Variants in HEPH observed in about 807,000 individuals in gnomAD.
The protein encoded by HEPH is hephaestin.
In HEPH, 69 loss-of-function variants were observed where a neutral mutation model predicts 80.8. That is an observed-to-expected ratio of 0.85 (90% CI 0.70 to 1.04). The LOEUF is 1.04. Ranked by LOEUF, HEPH falls within the 50% of genes least tolerant of loss-of-function variation. HEPH has a pLI of 0.00. For missense variants in HEPH, 1,115 were observed against 891.3 expected (o/e 1.25, Z -3.20); for synonymous variants, 431 against 322.8 (o/e 1.34, Z -3.60).
chrX:66,261,040 G>T (rs1321847492), intron 19 of HEPH, among the ~76,000 whole-genome samples: 1 of 112,103 alleles, frequency 8.9e-6, no homozygotes, highest in Non-Finnish European at 1.9e-5. Flanking sequence ...GTCTCCCAAA[G>T]TGCTGGGATT....
In HEPH at chrX:66,197,722, A is replaced by G; in HGVS notation, c.1541A>G (p.Lys514Arg). Residue 514 changes from lysine (K) to arginine (R), a missense_variant, in exon 10 of 21, where the codon AAA (lysine) becomes AGA (arginine). Physicochemically the swap from Lys to Arg is conservative, Grantham distance 26. This residue lies in a region of HEPH where 716 missense variants were observed against 523.5 expected (regional missense o/e 1.37). Transcript: ENST00000343002. ...GGCTTGGTTGCCAAGCCCTTTGAGAAAGTAACATACCGCTGGACAGTCCCC... is the reference window on the plus strand; with the variant it reads ...GGCTTGGTTGCCAAGCCCTTTGAGAGAGTAACATACCGCTGGACAGTCCCC... ...YPGLVAKPFE[K>R]VTYRWTVPPH... 8.3e-7 allele frequency: 1 copy of G among 1,211,762 alleles called. No homozygotes were observed. The highest frequency in any genetic ancestry group is 1.1e-6 in the Non-Finnish European group (1 of 895,449).
intron 17 of HEPH, 62 bp from the exon 18 acceptor site, chrX:66,258,778 C>T (rs747996743): frequency 7.1e-6 from 7 of 980,770 alleles, no homozygotes; most frequent in African/African-American, 4.0e-5. Flanking sequence ...AATGGGAAGT[C>T]CAAAGGAGAG....
chrX:66,192,379 C>A (rs778852914), intron 7 of HEPH, 81 bp downstream of exon 7: 1 of 974,133 alleles, frequency 1.0e-6, no homozygotes, highest in Non-Finnish European at 1.4e-6. Context: ...CCAGAAATCT[C>A]TCACTTTACT....
At chrX:66,250,610 A>G (rs1002851533) in intron 15 of HEPH, among the ~76,000 whole-genome samples, 30 of 111,626 alleles carry the variant, frequency 2.7e-4, no homozygotes, top group African/African-American at 9.7e-4. Flanking sequence ...TTTGATTTAC[A>G]TAAGTGATAT....
intron 15 of HEPH, among the ~76,000 whole-genome samples, chrX:66,236,972 T>A (rs1244592969): frequency 9.0e-6 from 1 of 111,547 alleles, no homozygotes; most frequent in Non-Finnish European, 1.9e-5. Context: ...AATATCCCCT[T>A]TGTCATTTCT....
rs755988087 is a variant in HEPH, at chrX:66,204,288, G to A, written c.2291+711G>A. ...AAAAGATGTAATCTCTAATTAGTCA[G>A]CCATGTGCTCAGCTAAAAGTTAGGT... On this transcript the variant is annotated intron_variant, in intron 13 of 20. Transcript: ENST00000343002. Among the ~76,000 whole-genome samples, 5 of 112,071 alleles carry A rather than the reference G, an allele frequency of 4.5e-5. No homozygotes were observed. In the South Asian group the frequency reaches 1.9e-3, roughly 42 times the overall value.
chrX:66,208,906 A>T (rs2088961912), intron 15 of HEPH, among the ~76,000 whole-genome samples: 1 of 108,421 alleles, frequency 9.2e-6, no homozygotes, highest in Non-Finnish European at 1.9e-5. Flanking sequence ...AGCCCAGTAA[A>T]TAAAGTTCTT....
chrX:66,266,722 C>T lies in HEPH; in HGVS notation c.*50C>T, dbSNP rs1171150826. 2 of 920,509 alleles carry T rather than the reference C, an allele frequency of 2.2e-6. No homozygotes were observed. The highest frequency in any genetic ancestry group is 3.1e-6 in the Non-Finnish European group (2 of 646,171). The allele number at this position is 920,509 out of a possible 1,213,427, so 75.9% of individuals were successfully genotyped here. A position where few individuals can be genotyped will look rare whatever the true frequency, so the allele number is the denominator to read the frequency against. ...AGGAAGCACATCTGTAGTGCACTCC[C>T]AGCAGGCCATGGACTAGTCACTAAC... On this transcript the variant is annotated 3_prime_UTR_variant, in exon 21 of 21. Transcript: ENST00000343002.
At chrX:66,186,252 C>T (rs1372124884) in intron 4 of HEPH, among the ~76,000 whole-genome samples, 1 of 89,013 alleles carries the variant, frequency 1.1e-5, no homozygotes, top group African/African-American at 5.8e-5. Context: ...TTCCAGGCTG[C>T]TTTGTTTACC....
chrX:66,195,256 G>A (rs1010460247), intron 9 of HEPH, 27 bp downstream of exon 9: 4 of 1,129,740 alleles, frequency 3.5e-6, no homozygotes, highest in Middle Eastern at 2.4e-4. Flanking sequence ...TCTAGTAAAT[G>A]TGGGCTCTAG....
Position 66,208,101 on chromosome X carries a change from T to G in HEPH, c.2432-14T>G, listed in dbSNP as rs754462220. On this transcript the variant is annotated splice_polypyrimidine_tract_variant and intron_variant, in intron 14 of 20. Transcript: ENST00000343002. ...ATGAAACTTTATTTATTTAATTATT[T>G]TTGTTTACATTAGGTCCACTTATCA... 1 of 1,137,013 alleles carries G rather than the reference T, an allele frequency of 8.8e-7. No homozygotes were observed. Among genetic ancestry groups the G allele is most frequent in the Admixed American group, 2.6e-5 (1 of 39,080 alleles). The allele number at this position is 1,137,013 out of a possible 1,213,427, so 93.7% of individuals were successfully genotyped here.
chrX:66,258,825 C>CTTTTCT lies in HEPH; in HGVS notation c.2897-11_2897-10insCTTTTT, dbSNP rs776963009. On this transcript the variant is annotated splice_polypyrimidine_tract_variant and intron_variant, in intron 17 of 20. Transcript: ENST00000343002. ...TTTTTCTTTTCTTTTCTTTTCTTTT[C>CTTTTCT]TTTTTTTTTGACAGCAATCAATGGG... 6.4e-6 allele frequency: 7 copies of CTTTTCT among 1,091,978 alleles called. No individual in the cohort carries two copies. The highest frequency in any genetic ancestry group is 3.9e-5 in the African/African-American group (2 of 51,708). 90.0% of individuals were successfully genotyped at this position (1,091,978 alleles called of 1,213,427 possible).
Position 66,189,517 on chromosome X carries a change from A to G in HEPH, c.809-167A>G, listed in dbSNP as rs1028900642. On this transcript the variant is annotated intron_variant, in intron 5 of 20. Transcript: ENST00000343002. ...TTAATGAGACTAATGATATCTGCCT[A>G]TTTCTCAGGGATGTTTTTGAGATTT... is the stretch of plus-strand genomic sequence containing the variant. Among the ~76,000 whole-genome samples the G allele has an allele frequency of 9.9e-5, 11 of 111,080 alleles. 1 individual carries two copies. Among genetic ancestry groups the G allele is most frequent in the Non-Finnish European group, 1.9e-4 (10 of 52,976 alleles).
intron 19 of HEPH, 26 bp downstream of exon 19, chrX:66,260,288 T>C: frequency 8.6e-7 from 1 of 1,160,176 alleles, no homozygotes; most frequent in Non-Finnish European, 1.2e-6. Context: ...CCCAAAATGA[T>C]CATCTTCTAA....
chrX:66,266,304 C>A lies in HEPH; in HGVS notation c.3245-136C>A, dbSNP rs2091533759. On this transcript the variant is annotated intron_variant, in intron 20 of 20. Transcript: ENST00000343002. ...TAACCTCTAAATCTGTCTTCATCAG[C>A]TAGTTTTGTGAAGGATAAGGACAGG... 3 of 465,165 alleles carry A rather than the reference C, an allele frequency of 6.4e-6. No individual in the cohort carries two copies. In the Admixed American group the frequency reaches 1.2e-4, roughly 18 times the overall value. 38.3% of individuals were successfully genotyped at this position (465,165 alleles called of 1,213,427 possible). A position where few individuals can be genotyped will look rare whatever the true frequency, so the allele number is the denominator to read the frequency against.
upstream of HEPH, among the ~76,000 whole-genome samples, chrX:66,163,920 A>T (rs139636420): frequency 2.0e-4 from 23 of 112,536 alleles, no homozygotes; most frequent in East Asian, 5.9e-3. Context: ...TTTACTTATG[A>T]CTAAGCAGCC....
chrX:66,260,204 T>C lies in HEPH; in HGVS notation c.3141T>C (p.His1047=), dbSNP rs368378204. Reference sequence around the variant, plus strand: ...CTGGGACATGGCTGATGCACTGCCATGTGACTGACCATGTCCATGCTGGCA... The same window carrying C: ...CTGGGACATGGCTGATGCACTGCCACGTGACTGACCATGTCCATGCTGGCA... ...SNPGTWLMHC[H]VTDHVHAGME... is the part of the protein sequence containing the mutation. The change falls in exon 19 of 21, where the codon CAT becomes CAC. Residue 1047 remains histidine, a synonymous_variant. Coordinates refer to ENST00000343002, the MANE Select transcript of HEPH (RefSeq NM_001367233.3). 1.2e-5 allele frequency: 15 copies of C among 1,207,387 alleles called. No homozygotes were observed. The East Asian group carries it at 2.1e-4, about 17-fold the overall frequency.
At position 66,206,582 on chromosome X, in the gene HEPH, G is replaced by A. The variant is rs183493005; in HGVS notation, c.2292-613G>A. 1.1e-3 allele frequency among the ~76,000 whole-genome samples: 119 copies of A among 107,036 alleles called. 1 individual carries two copies. The highest frequency in any genetic ancestry group is 4.0e-3 in the African/African-American group (118 of 29,566). The allele number at this position is 107,036 out of a possible 115,157, so 92.9% of individuals were successfully genotyped here. On this transcript the variant is annotated intron_variant, in intron 13 of 20. Transcript: ENST00000343002. The stretch of plus-strand genomic sequence containing the variant: ...GGGTTTTGCCATGTTGGGCAGGCTG[G>A]TCTCAAACTCCTGAGCTTAAGCAAT...
intron 15 of HEPH, among the ~76,000 whole-genome samples, chrX:66,219,325 A>T (rs1305339132): frequency 8.9e-6 from 1 of 112,085 alleles, no homozygotes; most frequent in Non-Finnish European, 1.9e-5. Flanking sequence ...CACATGTGCC[A>T]GTTTTGTCAT....
Sources: allele counts gnomAD v4.1 joint callset (sites outside exome capture counted in the v4.1 genomes callset), GRCh38; gene constraint gnomAD v4.1.1; regional missense constraint gnomAD v4.1.1; transcripts MANE v1.5; gene names NCBI Gene and HGNC (gene_info 2026-07-23, HGNC 2026-07-21).